DENND3: variants seen among roughly 807,000 people sequenced by gnomAD.
DENND3 encodes the protein DENN domain-containing protein 3.
In DENND3, 88 loss-of-function variants were observed where a neutral mutation model predicts 135.1. The ratio of observed to expected loss-of-function variants is 0.65; its 90% CI spans 0.55 to 0.78. DENND3 has a LOEUF of 0.78. Ranked by LOEUF, DENND3 falls within the 30% of genes least tolerant of loss-of-function variation. The pLI, the probability that DENND3 is intolerant of heterozygous loss-of-function variation, is 0.00. For synonymous variants in DENND3, 693 were observed against 712.3 expected (o/e 0.97, Z 0.43); for missense variants, 1,392 against 1,688.4 (o/e 0.82, Z 3.08).
At position 141,166,522 on chromosome 8, in the gene DENND3, GT is replaced by G; in HGVS notation, c.1753+136del. On this transcript the variant is annotated intron_variant, in intron 12 of 22. Transcript: ENST00000519811. This position sits in a 1 kb window ranked among gnomAD's most constrained non-coding sequence, Gnocchi z 4.3. Reference sequence around the variant, plus strand: ...TTTTAGCAGCTGAGTTATTTGAAATGTTTAGAATATTCATTTTGCCAAGGTA... The same window carrying G: ...TTTTAGCAGCTGAGTTATTTGAAATGTTAGAATATTCATTTTGCCAAGGTA... 1 of 995,936 alleles carries G rather than the reference GT, an allele frequency of 1.0e-6. No individual in the cohort carries two copies. The highest frequency in any genetic ancestry group is 1.4e-6 in the Non-Finnish European group (1 of 696,010). The allele number at this position is 995,936 out of a possible 1,614,324, so 61.7% of individuals were successfully genotyped here.
chr8:141,140,730 C>G (rs552352701), intron 3 of DENND3, among the ~76,000 whole-genome samples: 7 of 152,308 alleles, frequency 4.6e-5, no homozygotes, highest in Admixed American at 3.3e-4. Context: ...AGTTGGTGAG[C>G]CCCAAATACT....
rs201797023 is a variant in DENND3 at position 141,134,734 on chromosome 8, CG to C, written c.103-1774del. Among the ~76,000 whole-genome samples, 1,291 of 152,198 alleles carry C rather than the reference CG, an allele frequency of 8.5e-3. 17 individuals carry two copies. The highest frequency in any genetic ancestry group is 0.03 in the African/African-American group (1,233 of 41,478). On this transcript the variant is annotated intron_variant, in intron 1 of 22. Transcript: ENST00000519811. ...CTGCCGTTGTTGAAATTTCTTCCAG[CG>C]TAAGACTCCCCTTTTGTCACTGCTG...
intron 10 of DENND3, among the ~76,000 whole-genome samples, chr8:141,164,216 G>A (rs371636101): frequency 1.3e-5 from 2 of 152,180 alleles, no homozygotes; most frequent in Non-Finnish European, 2.9e-5. Context: ...TCTCAGCGGC[G>A]GCTCCTTTTT....
intron 19 of DENND3, among the ~76,000 whole-genome samples, chr8:141,189,478 C>T (rs1464288271): frequency 6.6e-6 from 1 of 152,228 alleles, no homozygotes; most frequent in Non-Finnish European, 1.5e-5. Context: ...GAAGCCTGGA[C>T]TCGCCTGATA....
At chr8:141,169,541 A>G (rs924421270) in intron 13 of DENND3, among the ~76,000 whole-genome samples, 1 of 152,116 alleles carries the variant, frequency 6.6e-6, no homozygotes, top group Non-Finnish European at 1.5e-5. Flanking sequence ...CCAGACTAAC[A>G]CCTGCTGCGT....
Position 141,144,438 on chromosome 8 carries a change from A to G in DENND3, c.735+179A>G, listed in dbSNP as rs1284714018. On this transcript the variant is annotated intron_variant, in intron 5 of 22. Coordinates refer to ENST00000519811, the MANE Select transcript of DENND3 (RefSeq NM_001352890.3). This position sits in a 1 kb window ranked among gnomAD's most constrained non-coding sequence, Gnocchi z 4.4. ...ACTGGACCCCCTTTTGGCCAAGGGG[A>G]CCCCAGAGAAACCCAAAAAACAGAA... 2.6e-5 allele frequency among the ~76,000 whole-genome samples: 4 copies of G among 151,930 alleles called. No individual in the cohort carries two copies. Among genetic ancestry groups the G allele is most frequent in the Non-Finnish European group, 4.4e-5 (3 of 68,018 alleles).
At chr8:141,189,426 G>A (rs1032173091) in intron 19 of DENND3, among the ~76,000 whole-genome samples, 4 of 152,226 alleles carry the variant, frequency 2.6e-5, no homozygotes, top group African/African-American at 4.8e-5. Context: ...GGGCAGCCCC[G>A]AGAGGGCACA....
At chr8:141,172,210 TG>T (rs1821703957) in intron 13 of DENND3, among the ~76,000 whole-genome samples, 1 of 143,080 alleles carries the variant, frequency 7.0e-6, no homozygotes, top group Non-Finnish European at 1.5e-5. Flanking sequence ...GCACAGTGGA[TG>T]TGCACAGTGG....
Position 141,146,893 on chromosome 8 carries a change from A to G in DENND3, c.735+2634A>G, listed in dbSNP as rs1818215610. 1.3e-5 allele frequency among the ~76,000 whole-genome samples: 2 copies of G among 152,176 alleles called. No individual in the cohort carries two copies. Among genetic ancestry groups the G allele is most frequent in the Non-Finnish European group, 2.9e-5 (2 of 68,030 alleles). On this transcript the variant is annotated intron_variant, in intron 5 of 22. Transcript: ENST00000519811. This position sits in a 1 kb window ranked among gnomAD's most constrained non-coding sequence, Gnocchi z 4.3. ...TTCTTGTTCTGTAAACGCAGCAAGT[A>G]TTTACTGAGGGCCTGTGAGATCCGT...
At chr8:141,143,605 T>A (rs953058565) in intron 4 of DENND3, among the ~76,000 whole-genome samples, 1 of 152,128 alleles carries the variant, frequency 6.6e-6, no homozygotes, top group African/African-American at 2.4e-5. Context: ...GGGGTCTCAC[T>A]ATCTTGCGCA....
intron 10 of DENND3, 21 bp downstream of exon 10, chr8:141,163,450 G>A (rs371405524): frequency 1.6e-5 from 23 of 1,417,520 alleles, no homozygotes; most frequent in Non-Finnish European, 2.2e-5. Context: ...TGGGATTTGG[G>A]TGTGCCTGTG....
In DENND3 at chr8:141,144,113, A is replaced by G; in HGVS notation, c.624-35A>G. 1.3e-6 allele frequency: 2 copies of G among 1,561,058 alleles called. No homozygotes were observed. Among genetic ancestry groups the G allele is most frequent in the Admixed American group, 1.8e-5 (1 of 57,030 alleles). ...CGATGACAACTGCGTTCTCATCTTT[A>G]TTTTGCGGTTTGAGTTTTGTGTTTC... On this transcript the variant is annotated intron_variant, in intron 4 of 22. Transcript: ENST00000519811. The surrounding 1 kb of genome is among the most constrained non-coding windows in gnomAD (Gnocchi z 4.4).
intron 13 of DENND3, among the ~76,000 whole-genome samples, chr8:141,171,957 C>T (rs1482901513): frequency 7.0e-6 from 1 of 143,448 alleles, no homozygotes; most frequent in Non-Finnish European, 1.5e-5. Context: ...TGGGTGTGCA[C>T]TGTGGTAGGT....
At chr8:141,134,686 A>C (rs1166025370) in intron 1 of DENND3, among the ~76,000 whole-genome samples, 1 of 152,174 alleles carries the variant, frequency 6.6e-6, no homozygotes. Flanking sequence ...TAGAGATCAG[A>C]GTGTGCTTAC....
At chr8:141,176,294 A>G (rs1822352103) in intron 14 of DENND3, 1 of 266,448 alleles carries the variant, frequency 3.8e-6, no homozygotes, top group Non-Finnish European at 7.0e-6. Context: ...AAACAAAAAA[A>G]AAAAAACAAA....
intron 1 of DENND3, among the ~76,000 whole-genome samples, chr8:141,133,609 T>C (rs956222985): frequency 9.2e-5 from 14 of 152,154 alleles, no homozygotes; most frequent in Admixed American, 3.3e-4. Context: ...CCACGGGTCT[T>C]GCAGGTGCTT....
chr8:141,184,921 C>T, intron 17 of DENND3: 1 of 528,394 alleles, frequency 1.9e-6, no homozygotes, highest in Non-Finnish European at 3.3e-6. Flanking sequence ...GGCTCTGACC[C>T]TGTCTTTGTG....
At position 141,176,702 on chromosome 8, in the gene DENND3, C is replaced by T; in HGVS notation, c.2647C>T (p.Leu883Phe). 1 of 1,614,226 alleles carries T rather than the reference C, an allele frequency of 6.2e-7. No homozygotes were observed. The highest frequency in any genetic ancestry group is 1.1e-5 in the South Asian group (1 of 91,086). Residue 883 changes from leucine (L) to phenylalanine (F), a missense_variant, in exon 15 of 23, where the codon CTT (leucine) becomes TTT (phenylalanine). By Grantham distance (22) the Leu-to-Phe change is conservative. Coordinates refer to ENST00000519811, the MANE Select transcript of DENND3 (RefSeq NM_001352890.3). ...AGCCAACCTGAAAACCGAGTGTGAC[C>T]TTTGGCACCTGATGGTGAAGGAGAT... ...FEANLKTECD[L>F]WHLMVKEMWA...
intron 14 of DENND3, chr8:141,176,276 C>CA (rs1444997133): frequency 3.8e-5 from 6 of 159,340 alleles, no homozygotes; most frequent in South Asian, 2.5e-4. Flanking sequence ...TAAAAAAAAA[C>CA]AAAAACAAAA....
Sources: allele counts gnomAD v4.1 joint callset (sites outside exome capture counted in the v4.1 genomes callset), GRCh38; gene constraint gnomAD v4.1.1; non-coding constraint Gnocchi (gnomAD v3.1); transcripts MANE v1.5; gene names NCBI Gene and HGNC (gene_info 2026-07-23, HGNC 2026-07-21).